Variants in STX18 observed in about 807,000 individuals in gnomAD.
The protein encoded by STX18 is syntaxin-18.
STX18 carries 40 observed loss-of-function variants against 50.1 expected under a neutral mutation model. That is an observed-to-expected ratio of 0.80 (90% CI 0.62 to 1.04). The LOEUF is 1.04. Ranked by LOEUF, STX18 falls within the 50% of genes least tolerant of loss-of-function variation. The pLI is 0.00. For synonymous variants in STX18, 158 were observed against 151.8 expected, an observed-to-expected ratio of 1.04 and a Z score of -0.30; for missense variants, 410 against 415.8, an observed-to-expected ratio of 0.99 and a Z score of 0.12.
chr4:4,421,254 TCA>T (rs1443636722), intron 9 of STX18, among the ~76,000 whole-genome samples: 1 of 151,818 alleles, frequency 6.6e-6, no homozygotes, highest in East Asian at 1.9e-4. Flanking sequence ...AAACGGAAAC[TCA>T]CGGCTCAGAG....
chr4:4,530,837 G>C (rs775801707), intron 1 of STX18, among the ~76,000 whole-genome samples: 3 of 152,038 alleles, frequency 2.0e-5, no homozygotes, highest in Admixed American at 6.6e-5. Flanking sequence ...GAATTCCTAA[G>C]CTCAAGCGAT....
intron 1 of STX18, among the ~76,000 whole-genome samples, chr4:4,501,375 C>T (rs974269084): frequency 2.6e-5 from 4 of 152,188 alleles, no homozygotes; most frequent in African/African-American, 4.8e-5. Flanking sequence ...CCATTGCTGC[C>T]ACCTCTCTCT....
chr4:4,438,382 C>T lies in STX18; in HGVS notation c.613+12G>A, dbSNP rs1339510117. The T allele has an allele frequency of 1.9e-6, 3 of 1,596,068 alleles. No individual in the cohort carries two copies. Among genetic ancestry groups the T allele is most frequent in the Non-Finnish European group, 8.6e-7 (1 of 1,166,684 alleles). On this transcript the variant is annotated intron_variant, in intron 6 of 10. Transcript: ENST00000306200. ...AAGAAATGCAAGGTGAGATTTTCAT[C>T]TCAATTCGTACCTGGACGTTCTTCA...
chr4:4,475,911 A>G (rs542890318), intron 1 of STX18, among the ~76,000 whole-genome samples: 1 of 152,278 alleles, frequency 6.6e-6, no homozygotes, highest in African/African-American at 2.4e-5. Flanking sequence ...ATAAGCCACC[A>G]TATCCGGCCT....
chr4:4,534,781 C>A (rs551104387), intron 1 of STX18, among the ~76,000 whole-genome samples: 1 of 152,396 alleles, frequency 6.6e-6, no homozygotes, highest in East Asian at 1.9e-4. Context: ...TTAAGTTTTG[C>A]AGGCCTCTGC....
chr4:4,449,295 C>G (rs868094568), intron 5 of STX18, among the ~76,000 whole-genome samples: 11 of 151,844 alleles, frequency 7.2e-5, no homozygotes, highest in Middle Eastern at 3.4e-3. Context: ...AATCCTCCCT[C>G]CCACCTCGGC....
At chr4:4,512,919 C>G (rs1730066807) in intron 1 of STX18, among the ~76,000 whole-genome samples, 1 of 152,118 alleles carries the variant, frequency 6.6e-6, no homozygotes, top group South Asian at 2.1e-4. Flanking sequence ...CCTCAGTCAA[C>G]AGAAGACCAT....
chr4:4,521,023 C>T (rs1730483986), intron 1 of STX18, among the ~76,000 whole-genome samples: 1 of 152,152 alleles, frequency 6.6e-6, no homozygotes, highest in Non-Finnish European at 1.5e-5. Context: ...CCACATCCTA[C>T]AAAATCCCAC....
upstream of STX18, chr4:4,542,267 T>C (rs1731654123): frequency 3.7e-6 from 1 of 273,698 alleles, no homozygotes; most frequent in African/African-American, 2.2e-5. Context: ...TGTGTCTGTT[T>C]GGGGCGTGTG....
chr4:4,464,019 T>C (rs1159475680), intron 2 of STX18, among the ~76,000 whole-genome samples: 1 of 152,216 alleles, frequency 6.6e-6, no homozygotes, highest in Non-Finnish European at 1.5e-5. Flanking sequence ...TTTTTGCATA[T>C]ATTGACAAAG....
intron 2 of STX18, among the ~76,000 whole-genome samples, chr4:4,467,288 A>T (rs1199111620): frequency 6.6e-6 from 1 of 152,146 alleles, no homozygotes; most frequent in Non-Finnish European, 1.5e-5. Context: ...CTGTTATCAC[A>T]TTTGTTTCAA....
intron 5 of STX18, among the ~76,000 whole-genome samples, chr4:4,456,436 C>T (rs1477006471): frequency 6.6e-6 from 1 of 152,186 alleles, no homozygotes; most frequent in Non-Finnish European, 1.5e-5. Context: ...GCAGCGGGAA[C>T]GACTGTGAGG....
At chr4:4,507,561 ACT>A in intron 1 of STX18, 1 of 766,058 alleles carries the variant, frequency 1.3e-6, no homozygotes, top group East Asian at 2.4e-5. Context: ...CCAGGAGTGC[ACT>A]CTGACAGCTG....
At chr4:4,501,017 A>G (rs1458855511) in intron 1 of STX18, among the ~76,000 whole-genome samples, 1 of 152,216 alleles carries the variant, frequency 6.6e-6, no homozygotes, top group Non-Finnish European at 1.5e-5. Flanking sequence ...AGCTGGGGCC[A>G]ACAACAGCAA....
intron 1 of STX18, among the ~76,000 whole-genome samples, chr4:4,536,559 G>A (rs1577413408): frequency 6.6e-6 from 1 of 152,226 alleles, no homozygotes; most frequent in African/African-American, 2.4e-5. Context: ...GTTCCAGGTA[G>A]AGGGATGCAA....
chr4:4,471,905 A>G (rs1273419418), intron 1 of STX18, among the ~76,000 whole-genome samples, 199 bp from the exon 2 acceptor site: 1 of 152,188 alleles, frequency 6.6e-6, no homozygotes, highest in Non-Finnish European at 1.5e-5. Context: ...GGTTCCTTCC[A>G]CCTCTAATTA....
At chr4:4,447,768 T>C (rs932688449) in intron 5 of STX18, among the ~76,000 whole-genome samples, 1 of 152,192 alleles carries the variant, frequency 6.6e-6, no homozygotes, top group Non-Finnish European at 1.5e-5. Context: ...CTGCTGCTGC[T>C]ATTATTACTG....
chr4:4,532,411 A>T (rs141369177), intron 1 of STX18, among the ~76,000 whole-genome samples: 3 of 152,296 alleles, frequency 2.0e-5, no homozygotes, highest in African/African-American at 7.2e-5. Context: ...AATCAAATAC[A>T]TTTGTGAAAA....
At chr4:4,474,052 T>C (rs1043068072) in intron 1 of STX18, among the ~76,000 whole-genome samples, 7 of 152,072 alleles carry the variant, frequency 4.6e-5, no homozygotes, top group African/African-American at 1.7e-4. Flanking sequence ...TTCCCCTCAC[T>C]TGCATACCCA....
Sources: allele counts gnomAD v4.1 joint callset (sites outside exome capture counted in the v4.1 genomes callset), GRCh38; gene constraint gnomAD v4.1.1; transcripts MANE v1.5; gene names NCBI Gene and HGNC (gene_info 2026-07-23, HGNC 2026-07-21).